Variants in BANK1 observed in about 807,000 individuals in gnomAD.
BANK1 encodes B-cell scaffold protein with ankyrin repeats.
A neutral mutation model predicts 94.5 loss-of-function variants in BANK1; 95 were observed. The observed-to-expected ratio is 1.00, with a 90% CI of 0.85 to 1.19. The LOEUF (loss-of-function observed/expected upper bound fraction) is 1.19. BANK1 is among the 50% of genes most tolerant of loss of function. The pLI, the probability that BANK1 is intolerant of heterozygous loss-of-function variation, is 0.00. For missense variants in BANK1, 987 were observed against 932.2 expected (o/e 1.06, Z -0.77); for synonymous variants, 334 against 308.4 (o/e 1.08, Z -0.87).
At chr4:101,878,270 C>A (rs1728562026) in intron 5 of BANK1, among the ~76,000 whole-genome samples, 1 of 151,996 alleles carries the variant, frequency 6.6e-6, no homozygotes, top group Non-Finnish European at 1.5e-5. Flanking sequence ...AAAGATATCC[C>A]ATGCCAATGG....
chr4:102,050,304 G>A lies in BANK1; in HGVS notation c.1969+6397G>A, dbSNP rs1728003962. ...CTGTTGCTAACAAAACCATGTCTTT[G>A]AAGGGTAAGTTTCTGTGGGTAGGAG... On this transcript the variant is annotated intron_variant, in intron 11 of 16. Transcript: ENST00000322953. Among the ~76,000 whole-genome samples the A allele has an allele frequency of 3.3e-5, 5 of 152,134 alleles. 1 individual carries two copies. In the South Asian group the frequency reaches 8.3e-4, roughly 25 times the overall value.
chr4:102,072,669 A>T (rs1287093464), intron 15 of BANK1, among the ~76,000 whole-genome samples: 1 of 152,198 alleles, frequency 6.6e-6, no homozygotes, highest in African/African-American at 2.4e-5. Flanking sequence ...ATCTTAGAGG[A>T]ATTATCAATA....
intron 7 of BANK1, among the ~76,000 whole-genome samples, chr4:101,953,711 G>T (rs1240078423): frequency 1.3e-5 from 2 of 152,002 alleles, no homozygotes; most frequent in African/African-American, 4.8e-5. Flanking sequence ...TGCAGAAATT[G>T]CCTTCTGGAA....
chr4:102,042,873 GC>G (rs1560704819), intron 10 of BANK1, among the ~76,000 whole-genome samples: 3 of 151,900 alleles, frequency 2.0e-5, no homozygotes, highest in Non-Finnish European at 4.4e-5. Context: ...AGGGGAAGTG[GC>G]AGTAGTGCTG....
chr4:101,846,147 T>C (rs1022787945), intron 2 of BANK1, among the ~76,000 whole-genome samples: 2 of 152,076 alleles, frequency 1.3e-5, no homozygotes, highest in Non-Finnish European at 2.9e-5. Context: ...GCCGCACTGT[T>C]CACAATAGCA....
At chr4:101,816,110 G>A (rs1007404043) in intron 1 of BANK1, among the ~76,000 whole-genome samples, 1 of 152,098 alleles carries the variant, frequency 6.6e-6, no homozygotes, top group African/African-American at 2.4e-5. Context: ...TGATCCTATT[G>A]CAGCCTCATC....
At chr4:101,993,026 TGATC>T (rs1200717462) in intron 7 of BANK1, among the ~76,000 whole-genome samples, 1 of 152,174 alleles carries the variant, frequency 6.6e-6, no homozygotes, top group African/African-American at 2.4e-5. Flanking sequence ...GAACTGTTGT[TGATC>T]CCCTGGACAG....
intron 7 of BANK1, among the ~76,000 whole-genome samples, chr4:102,002,743 G>A (rs1726122943): frequency 6.6e-6 from 1 of 152,086 alleles, no homozygotes; most frequent in African/African-American, 2.4e-5. Context: ...TCAAATTCAG[G>A]GAAACTATTC....
chr4:101,888,345 A>G (rs901747200), intron 5 of BANK1, among the ~76,000 whole-genome samples: 7 of 152,174 alleles, frequency 4.6e-5, no homozygotes, highest in African/African-American at 1.7e-4. Context: ...TTTCTGGTTA[A>G]ACAGAGAAAA....
chr4:102,064,134 A>G (rs1181891439), intron 13 of BANK1, among the ~76,000 whole-genome samples: 2 of 152,220 alleles, frequency 1.3e-5, no homozygotes, highest in African/African-American at 4.8e-5. Context: ...CCACTAAAAG[A>G]GTGTGAAAGC....
chr4:101,870,350 TCCAACTA>T (rs1213912809), intron 4 of BANK1, among the ~76,000 whole-genome samples, 148 bp from the exon 5 acceptor site: 1 of 152,064 alleles, frequency 6.6e-6, no homozygotes, highest in Admixed American at 6.6e-5. Context: ...TTTTGTGTTT[TCCAACTA>T]CCAAGAATTT....
At chr4:101,956,814 T>C (rs895211278) in intron 7 of BANK1, among the ~76,000 whole-genome samples, 7 of 152,194 alleles carry the variant, frequency 4.6e-5, no homozygotes, top group African/African-American at 1.7e-4. Context: ...CTCTTAGGCA[T>C]AGAATTATAT....
intron 7 of BANK1, among the ~76,000 whole-genome samples, chr4:101,999,841 C>T (rs1344292060): frequency 2.6e-5 from 4 of 152,028 alleles, no homozygotes; most frequent in African/African-American, 9.7e-5. Flanking sequence ...ACAGGCAAAG[C>T]TATTGATATA....
intron 4 of BANK1, among the ~76,000 whole-genome samples, chr4:101,863,819 C>T (rs1727971275): frequency 6.6e-6 from 1 of 152,064 alleles, no homozygotes; most frequent in South Asian, 2.1e-4. Flanking sequence ...AATTTTCTAA[C>T]TAATTAGTTT....
chr4:101,931,184 C>G (rs1723327571), intron 7 of BANK1, among the ~76,000 whole-genome samples: 1 of 151,486 alleles, frequency 6.6e-6, no homozygotes, highest in Non-Finnish European at 1.5e-5. Flanking sequence ...ACCTACTTTC[C>G]TGGGCCACAG....
At chr4:101,912,565 CAT>C (rs992866089) in intron 6 of BANK1, among the ~76,000 whole-genome samples, 20 of 147,822 alleles carry the variant, frequency 1.4e-4, no homozygotes, top group African/African-American at 2.7e-4. Flanking sequence ...ATCTCTATAA[CAT>C]ATATATAAAA....
At chr4:101,921,193 T>C (rs560137824) in intron 7 of BANK1, among the ~76,000 whole-genome samples, 1 of 152,162 alleles carries the variant, frequency 6.6e-6, no homozygotes, top group East Asian at 1.9e-4. Context: ...TAATATCATA[T>C]ATTTCTATAA....
chr4:101,840,371 T>C (rs140915571), intron 2 of BANK1, among the ~76,000 whole-genome samples: 3,078 of 152,284 alleles, frequency 0.02, 37 homozygotes, highest in South Asian at 0.042. Flanking sequence ...TATATTTTTG[T>C]TGGGAACAGG....
At chr4:101,993,469 G>A (rs1270921143) in intron 7 of BANK1, among the ~76,000 whole-genome samples, 1 of 152,176 alleles carries the variant, frequency 6.6e-6, no homozygotes, top group Admixed American at 6.6e-5. Context: ...GGGAGTAAAT[G>A]TGGTAAACTG....
Sources: allele counts gnomAD v4.1 joint callset (sites outside exome capture counted in the v4.1 genomes callset), GRCh38; gene constraint gnomAD v4.1.1; transcripts MANE v1.5; gene names NCBI Gene and HGNC (gene_info 2026-07-23, HGNC 2026-07-21).